ADAD1: variants seen among roughly 807,000 people sequenced by gnomAD.
ADAD1 encodes adenosine deaminase domain-containing protein 1.
ADAD1 carries 46 observed loss-of-function variants against 66.8 expected under a neutral mutation model. That is an observed-to-expected ratio of 0.69 (90% CI 0.54 to 0.88). The LOEUF (loss-of-function observed/expected upper bound fraction) is 0.88, where lower values mean the gene tolerates loss of function less well. ADAD1 is among the 40% of genes least tolerant of loss of function. The probability of loss-of-function intolerance (pLI) is 0.00; values close to 1 mark genes in which losing one functional copy is unlikely to be tolerated. For synonymous variants in ADAD1, 248 were observed against 229.4 expected (o/e 1.08, Z -0.73); for missense variants, 617 against 681.8 (o/e 0.91, Z 1.06).
At chr4:122,388,585 G>A (rs1182712087) in intron 5 of ADAD1, among the ~76,000 whole-genome samples, 2 of 152,076 alleles carry the variant, frequency 1.3e-5, no homozygotes, top group African/African-American at 4.8e-5. Context: ...CTTCTTCCTC[G>A]TTTAGTCTTG....
intron 7 of ADAD1, among the ~76,000 whole-genome samples, chr4:122,398,396 T>G (rs1795815895): frequency 6.6e-6 from 1 of 152,114 alleles, no homozygotes; most frequent in Admixed American, 6.6e-5. Flanking sequence ...CATTTGGGCT[T>G]GTTCCATATT....
chr4:122,393,779 C>G, intron 6 of ADAD1, 122 bp downstream of exon 6: 1 of 643,702 alleles, frequency 1.6e-6, no homozygotes, highest in Non-Finnish European at 2.3e-6. Context: ...CCAAACCTTT[C>G]ACACTTCTAC....
At chr4:122,396,194 A>T in intron 6 of ADAD1, 58 bp from the exon 7 acceptor site, 3 of 1,380,704 alleles carry the variant, frequency 2.2e-6, no homozygotes, top group Non-Finnish European at 1.9e-6. Context: ...TAAGAATAAT[A>T]AGACAGCTCT....
chr4:122,380,903 A>G (rs1288391659), intron 3 of ADAD1, 89 bp from the exon 4 acceptor site: 13 of 1,208,472 alleles, frequency 1.1e-5, no homozygotes, highest in Non-Finnish European at 1.3e-5. Flanking sequence ...ATCTGGGACA[A>G]CCTTCCATTT....
rs756826832 is a variant in ADAD1 at position 122,396,289 on chromosome 4, C to T, written c.636C>T (p.Ile212=). Residue 212 remains isoleucine (I), a synonymous_variant, in exon 7 of 13, where the codon ATC becomes ATT. Coordinates refer to ENST00000296513, the MANE Select transcript of ADAD1 (RefSeq NM_139243.4). ...TTCAATATGCAAAGATTTCACAGATCGTTAAAGAAAGATTTAATCAACTAA... is the reference window on the plus strand; with the variant it reads ...TTCAATATGCAAAGATTTCACAGATTGTTAAAGAAAGATTTAATCAACTAA... ...RHIQYAKISQ[I]VKERFNQLIS... is the part of the protein sequence containing the mutation. 21 of 1,594,688 alleles carry T rather than the reference C, an allele frequency of 1.3e-5. No homozygotes were observed. In the Admixed American group the frequency reaches 1.8e-4, roughly 13 times the overall value.
chr4:122,394,697 G>C (rs1319321368), intron 6 of ADAD1, among the ~76,000 whole-genome samples: 1 of 152,188 alleles, frequency 6.6e-6, no homozygotes, highest in Non-Finnish European at 1.5e-5. Flanking sequence ...CTTAATATGG[G>C]AAGAGGTTCT....
intron 8 of ADAD1, 129 bp from the exon 9 acceptor site, chr4:122,411,093 A>G (rs1376872035): frequency 1.5e-6 from 1 of 670,370 alleles, no homozygotes; most frequent in Non-Finnish European, 2.4e-6. Flanking sequence ...AGATTGATTT[A>G]GGAGTTCTTA....
intron 10 of ADAD1, among the ~76,000 whole-genome samples, chr4:122,414,290 A>G (rs1796624905): frequency 1.4e-5 from 2 of 140,392 alleles, no homozygotes; most frequent in African/African-American, 5.2e-5. Context: ...GGGGGGGTAC[A>G]ACTACTGTCA....
chr4:122,427,708 G>GT (rs1419604307), intron 12 of ADAD1, among the ~76,000 whole-genome samples: 1 of 151,306 alleles, frequency 6.6e-6, no homozygotes, highest in African/African-American at 2.4e-5. Context: ...CTAATTTTTT[G>GT]TATCTTTAGT....
At chr4:122,380,267 T>C in intron 3 of ADAD1, 26 bp downstream of exon 3, 10 of 1,591,478 alleles carry the variant, frequency 6.3e-6, no homozygotes, top group Non-Finnish European at 8.5e-6. Context: ...TTTGTAACAA[T>C]GAGTCAGTTC....
chr4:122,425,303 G>A (rs1437005216), intron 12 of ADAD1, among the ~76,000 whole-genome samples: 1 of 151,992 alleles, frequency 6.6e-6, no homozygotes, highest in Non-Finnish European at 1.5e-5. Flanking sequence ...ACAAGTCTCA[G>A]TAATCTTAAA....
intron 12 of ADAD1, among the ~76,000 whole-genome samples, chr4:122,428,444 T>C (rs1433085465): frequency 6.6e-6 from 1 of 152,222 alleles, no homozygotes; most frequent in Non-Finnish European, 1.5e-5. Context: ...GGTATTTACA[T>C]GCATGTTTAT....
intron 11 of ADAD1, among the ~76,000 whole-genome samples, chr4:122,417,643 A>G (rs1796801116): frequency 6.6e-6 from 1 of 152,210 alleles, no homozygotes; most frequent in Non-Finnish European, 1.5e-5. Context: ...TAGCCGTTTT[A>G]AATAACAGTA....
At chr4:122,395,530 A>T (rs923849826) in intron 6 of ADAD1, among the ~76,000 whole-genome samples, 3 of 152,006 alleles carry the variant, frequency 2.0e-5, no homozygotes, top group East Asian at 3.9e-4. Context: ...AAAATACAAA[A>T]ATTAGCCGGG....
chr4:122,383,302 G>T (rs1794993099), intron 4 of ADAD1, among the ~76,000 whole-genome samples: 1 of 152,146 alleles, frequency 6.6e-6, no homozygotes, highest in South Asian at 2.1e-4. Flanking sequence ...AGTACACAGG[G>T]TTTCTTCAAA....
intron 12 of ADAD1, among the ~76,000 whole-genome samples, chr4:122,428,221 A>C (rs1580821447): frequency 6.6e-6 from 1 of 152,222 alleles, no homozygotes; most frequent in East Asian, 1.9e-4. Flanking sequence ...TAAATTAGAA[A>C]ATATTTACAT....
intron 11 of ADAD1, among the ~76,000 whole-genome samples, chr4:122,420,655 A>C (rs900822271): frequency 2.6e-5 from 4 of 152,208 alleles, no homozygotes; most frequent in Non-Finnish European, 4.4e-5. Flanking sequence ...CTATCCTAAG[A>C]ACAACTAATG....
At chr4:122,418,306 C>CTTTTT (rs10527795) in intron 11 of ADAD1, among the ~76,000 whole-genome samples, 7 of 94,644 alleles carry the variant, frequency 7.4e-5, no homozygotes, top group Non-Finnish European at 1.3e-4. Flanking sequence ...ACGTTATTTT[C>CTTTTT]TTTTTTTTTT....
At chr4:122,402,260 A>G (rs1231024430) in intron 7 of ADAD1, among the ~76,000 whole-genome samples, 1 of 152,128 alleles carries the variant, frequency 6.6e-6, no homozygotes, top group Non-Finnish European at 1.5e-5. Context: ...CATGAAGCTC[A>G]GTTTTGCTAG....
Sources: gnomAD v4.1 joint callset for allele counts (sites outside exome capture counted in the v4.1 genomes callset) on GRCh38, gnomAD v4.1.1 for gene constraint, MANE v1.5 for transcripts, NCBI Gene and HGNC (gene_info 2026-07-23, HGNC 2026-07-21) for gene names.